The following RBFOX1 variants were observed in gnomAD, a reference collection of about 807,000 sequenced individuals.
RBFOX1 encodes RNA binding fox-1 homolog 1.
In RBFOX1, 8 loss-of-function variants were observed where a neutral mutation model predicts 57.7. That is an observed-to-expected ratio of 0.14 (90% CI 0.08 to 0.25). The LOEUF (loss-of-function observed/expected upper bound fraction) is 0.25. Ranked by LOEUF, RBFOX1 falls within the 10% of genes least tolerant of loss-of-function variation. The probability of loss-of-function intolerance (pLI) is 1.00; values close to 1 mark genes in which losing one functional copy is unlikely to be tolerated. For synonymous variants in RBFOX1, 326 were observed against 222.4 expected (o/e 1.47, Z -4.15); for missense variants, 611 against 548.5 (o/e 1.11, Z -1.14).
chr16:5,495,399 C>T (rs746984403), intron 2 of RBFOX1, among the ~76,000 whole-genome samples: 57 of 152,184 alleles, frequency 3.7e-4, no homozygotes, highest in African/African-American at 1.3e-3. Context: ...AGAACTTGCT[C>T]ACTGTCATGG....
chr16:5,787,072 T>C (rs1271848738), intron 3 of RBFOX1, among the ~76,000 whole-genome samples: 4 of 152,154 alleles, frequency 2.6e-5, no homozygotes, highest in African/African-American at 9.7e-5. Context: ...AGGTGGAGGT[T>C]GCAGTGTGCT....
intron 4 of RBFOX1, among the ~76,000 whole-genome samples, chr16:7,345,749 G>A (rs1240139315): frequency 6.6e-6 from 1 of 152,182 alleles, no homozygotes; most frequent in African/African-American, 2.4e-5. Context: ...ATTCTTATCT[G>A]TCCAAACAGT....
intron 4 of RBFOX1, among the ~76,000 whole-genome samples, chr16:7,264,743 T>C (rs2095062044): frequency 6.6e-6 from 1 of 152,248 alleles, no homozygotes; most frequent in African/African-American, 2.4e-5. Flanking sequence ...TTCTTAGCTC[T>C]TGGCTATATC....
chr16:5,552,590 G>A (rs927919316), intron 2 of RBFOX1, among the ~76,000 whole-genome samples: 1 of 152,198 alleles, frequency 6.6e-6, no homozygotes, highest in Non-Finnish European at 1.5e-5. Flanking sequence ...AACTGTCAGA[G>A]GATGGAGGTC....
chr16:6,252,061 G>T (rs1378123349), intron 1 of RBFOX1, among the ~76,000 whole-genome samples: 2 of 152,048 alleles, frequency 1.3e-5, no homozygotes, highest in Non-Finnish European at 2.9e-5. Context: ...ATGGAGGTTC[G>T]TGGCCCTGAG....
At chr16:6,111,139 A>G (rs1210673899) in intron 1 of RBFOX1, among the ~76,000 whole-genome samples, 3 of 152,186 alleles carry the variant, frequency 2.0e-5, no homozygotes, top group African/African-American at 7.2e-5. Flanking sequence ...AGGGCATTTC[A>G]TAAAGAAAAA....
At chr16:5,649,972 C>T (rs1331910901) in intron 3 of RBFOX1, among the ~76,000 whole-genome samples, 2 of 152,138 alleles carry the variant, frequency 1.3e-5, no homozygotes, top group Admixed American at 6.5e-5. Context: ...GCGGGGAGGT[C>T]GGCCCACAGG....
chr16:7,144,805 T>C (rs1402319553), intron 4 of RBFOX1, among the ~76,000 whole-genome samples: 1 of 152,138 alleles, frequency 6.6e-6, no homozygotes, highest in East Asian at 1.9e-4. Flanking sequence ...AATCAAGCTA[T>C]GGAATAAAAG....
intron 4 of RBFOX1, among the ~76,000 whole-genome samples, chr16:5,990,715 C>T (rs963946409): frequency 4.0e-5 from 6 of 149,246 alleles, no homozygotes; most frequent in East Asian, 4.6e-4. Context: ...CGCCTGTAAT[C>T]GCAACACTTC....
chr16:7,532,106 C>G (rs866369951), intron 5 of RBFOX1, among the ~76,000 whole-genome samples: 10 of 148,296 alleles, frequency 6.7e-5, no homozygotes, highest in African/African-American at 2.2e-4. Context: ...GTTCTCTGGC[C>G]TTTTTTAGGG....
Position 7,711,792 on chromosome 16 carries a change from CAT to C in RBFOX1, c.*1050_*1051del, listed in dbSNP as rs2084039651. 6.6e-6 allele frequency: 1 copy of C among 152,568 alleles called. No homozygotes were observed. Among genetic ancestry groups the C allele is most frequent in the Admixed American group, 6.5e-5 (1 of 15,272 alleles). 9.5% of individuals were successfully genotyped at this position (152,568 alleles called of 1,614,324 possible). ...AATTTTTATGGAATTACATGATAAT[CAT>C]ATTCGGATTTATAGAAGCATTTTAC... On this transcript the variant is annotated 3_prime_UTR_variant, in exon 16 of 16. Coordinates refer to ENST00000550418, the MANE Select transcript of RBFOX1 (RefSeq NM_018723.4).
At chr16:6,169,144 A>T (rs930677891) in intron 1 of RBFOX1, among the ~76,000 whole-genome samples, 1 of 152,160 alleles carries the variant, frequency 6.6e-6, no homozygotes, top group African/African-American at 2.4e-5. Flanking sequence ...GATTGCATTG[A>T]TCTTGGGGTC....
intron 3 of RBFOX1, among the ~76,000 whole-genome samples, chr16:5,614,202 AT>A (rs1043732917): frequency 5.3e-5 from 8 of 152,030 alleles, no homozygotes; most frequent in Admixed American, 1.3e-4. Flanking sequence ...TGAGCCTGAC[AT>A]TTTTTTTCCC....
chr16:5,266,756 A>G (rs1413287211), intron 1 of RBFOX1, among the ~76,000 whole-genome samples: 2 of 151,698 alleles, frequency 1.3e-5, no homozygotes, highest in African/African-American at 4.8e-5. Flanking sequence ...GGGGGGTCTC[A>G]CTATATTGCC....
intron 4 of RBFOX1, among the ~76,000 whole-genome samples, chr16:7,239,454 G>A (rs145310090): frequency 8.5e-5 from 13 of 152,276 alleles, no homozygotes; most frequent in South Asian, 6.2e-4. Flanking sequence ...AGCCTAGATC[G>A]TGCCACTGCA....
At chr16:6,921,662 G>T (rs144331818) in intron 3 of RBFOX1, among the ~76,000 whole-genome samples, 10 of 148,008 alleles carry the variant, frequency 6.8e-5, no homozygotes, top group Admixed American at 3.4e-4. Context: ...TTTTTCTTAG[G>T]GTTGCTTTCA....
At chr16:6,950,554 T>A (rs1371108181) in intron 3 of RBFOX1, among the ~76,000 whole-genome samples, 2 of 152,154 alleles carry the variant, frequency 1.3e-5, no homozygotes, top group Non-Finnish European at 2.9e-5. Flanking sequence ...GGCTTAGAAA[T>A]GAATGTGTGT....
chr16:5,763,546 G>A (rs989052884), intron 3 of RBFOX1, among the ~76,000 whole-genome samples: 5 of 152,234 alleles, frequency 3.3e-5, no homozygotes, highest in Non-Finnish European at 7.3e-5. Flanking sequence ...TTTTCACCGA[G>A]TAAATTGCTG....
chr16:5,699,968 G>C (rs2050980584), intron 3 of RBFOX1, among the ~76,000 whole-genome samples: 2 of 152,118 alleles, frequency 1.3e-5, no homozygotes, highest in East Asian at 3.9e-4. Flanking sequence ...GAGTAGCTGG[G>C]ACTACAGGCG....
Sources: allele counts gnomAD v4.1 joint callset (sites outside exome capture counted in the v4.1 genomes callset), GRCh38; gene constraint gnomAD v4.1.1; transcripts MANE v1.5; gene names NCBI Gene and HGNC (gene_info 2026-07-23, HGNC 2026-07-21).